Variants in LMTK2 observed in about 807,000 individuals in gnomAD.
The protein encoded by LMTK2 is lemur tail kinase 2.
A neutral mutation model predicts 127.5 loss-of-function variants in LMTK2; 37 were observed. The observed-to-expected ratio is 0.29, with a 90% CI of 0.22 to 0.38. The LOEUF (loss-of-function observed/expected upper bound fraction) is 0.38, where lower values mean the gene tolerates loss of function less well. LMTK2 is among the 10% of genes least tolerant of loss of function. The pLI, the probability that LMTK2 is intolerant of heterozygous loss-of-function variation, is 1.00. For missense variants in LMTK2, 1,694 were observed against 1,920.3 expected, an observed-to-expected ratio of 0.88 and a Z score of 2.20; for synonymous variants, 819 against 810.1, an observed-to-expected ratio of 1.01 and a Z score of -0.19.
chr7:98,127,916 G>A (rs1366042191), intron 1 of LMTK2, among the ~76,000 whole-genome samples: 1 of 152,222 alleles, frequency 6.6e-6, no homozygotes, highest in Admixed American at 6.5e-5. Context: ...GCCAAGGTGG[G>A]TGGATCACCT....
In LMTK2 at chr7:98,193,762, A is replaced by T. The variant is rs767474720; in HGVS notation, c.3297A>T (p.Ser1099=). ...PETFTAGSQG[S]YRDSAYFSDN... ...CGTTCACAGCTGGCTCCCAGGGTTC[A>T]TACCGAGACTCTGCGTACTTCTCAG... Residue 1099 remains serine, a synonymous_variant, in exon 11 of 14, where the codon TCA becomes TCT. Transcript: ENST00000297293. The surrounding 1 kb of genome is among the most constrained non-coding windows in gnomAD (Gnocchi z 4.1). The T allele has an allele frequency of 1.9e-6, 3 of 1,614,002 alleles. No homozygotes were observed. The highest frequency in any genetic ancestry group is 3.3e-5 in the Admixed American group (2 of 60,018).
intron 5 of LMTK2, among the ~76,000 whole-genome samples, chr7:98,158,733 A>T (rs1311079339): frequency 6.6e-6 from 1 of 152,144 alleles, no homozygotes; most frequent in African/African-American, 2.4e-5. Context: ...TGTGTAGATA[A>T]TGACACCATT....
intron 6 of LMTK2, among the ~76,000 whole-genome samples, chr7:98,167,198 GT>G (rs2116413942): frequency 6.6e-6 from 1 of 152,314 alleles, no homozygotes; most frequent in African/African-American, 2.4e-5. Context: ...CTGCCTAAGT[GT>G]TTTTTCTTTT....
chr7:98,192,671 T>C lies in LMTK2; in HGVS notation c.2206T>C (p.Leu736=). The C allele has an allele frequency of 6.2e-7, 1 of 1,610,998 alleles. No individual in the cohort carries two copies. Among genetic ancestry groups the C allele is most frequent in the Admixed American group, 1.7e-5 (1 of 59,468 alleles). ...AGAGAAAAACTTACTAAAAGGCTCA[T>C]TGTCCAGCAAAGAACACATAAATGA... ...LQEKNLLKGS[L]SSKEHINDLQ... The change falls in exon 11 of 14, where the codon TTG becomes CTG. Residue 736 remains leucine (L), a synonymous_variant. Transcript: ENST00000297293.
At chr7:98,165,247 G>C (rs1797077107) in intron 6 of LMTK2, among the ~76,000 whole-genome samples, 1 of 152,180 alleles carries the variant, frequency 6.6e-6, no homozygotes, top group Non-Finnish European at 1.5e-5. Flanking sequence ...CCCAGTGCTG[G>C]GCATTTGATG....
Position 98,194,256 on chromosome 7 carries a change from A to G in LMTK2, c.3791A>G (p.Lys1264Arg). The G allele has an allele frequency of 1.2e-6, 2 of 1,614,182 alleles. No homozygotes were observed. The highest frequency in any genetic ancestry group is 1.7e-6 in the Non-Finnish European group (2 of 1,180,040). The change falls in exon 11 of 14, where the codon AAG (lysine) becomes AGG (arginine). Residue 1264 changes from lysine (K) to arginine (R), a missense_variant. Lys to Arg is a conservative substitution (Grantham distance 26, BLOSUM62 2). Transcript: ENST00000297293. This position sits in a 1 kb window ranked among gnomAD's most constrained non-coding sequence, Gnocchi z 5.4. ...PKLKEPDIEG[K>R]YLGKLGVSGM... ...TTGAAGGAGCCGGACATCGAAGGGA[A>G]GTACCTGGGGAAACTCGGGGTGTCA... is the stretch of plus-strand genomic sequence containing the variant.
chr7:98,193,690 C>T lies in LMTK2; in HGVS notation c.3225C>T (p.Ile1075=), dbSNP rs1422830084. 9 of 1,613,902 alleles carry T rather than the reference C, an allele frequency of 5.6e-6. No individual in the cohort carries two copies. Among genetic ancestry groups the T allele is most frequent in the Non-Finnish European group, 7.6e-6 (9 of 1,180,008 alleles). ...TGCCTCCCAACCCGGTCATTGTCAT[C>T]TCAGATGCCGGCGATGGTCACAGAG... ...SGLPPNPVIV[I]SDAGDGHRGT... is the part of the protein sequence containing the mutation. The change falls in exon 11 of 14, where the codon ATC becomes ATT. Residue 1075 remains isoleucine, a synonymous_variant. Transcript: ENST00000297293. The surrounding 1 kb of genome is among the most constrained non-coding windows in gnomAD (Gnocchi z 4.1).
intron 7 of LMTK2, among the ~76,000 whole-genome samples, chr7:98,173,761 A>G (rs1447108915): frequency 6.6e-6 from 1 of 152,246 alleles, no homozygotes; most frequent in East Asian, 1.9e-4. Flanking sequence ...ACTCAAGTTA[A>G]AGAAAATCCT....
chr7:98,153,271 A>T (rs1351665337), intron 4 of LMTK2, among the ~76,000 whole-genome samples: 1 of 152,134 alleles, frequency 6.6e-6, no homozygotes, highest in Non-Finnish European at 1.5e-5. Context: ...TTCAAAGTGG[A>T]AACCAGGGGG....
rs902555006 is a variant in LMTK2, at chr7:98,148,784, G to A, written c.377-2598G>A. 5.3e-5 allele frequency among the ~76,000 whole-genome samples: 8 copies of A among 152,204 alleles called. 1 individual carries two copies. Among genetic ancestry groups the A allele is most frequent in the African/African-American group, 1.9e-4 (8 of 41,456 alleles). Reference sequence around the variant, plus strand: ...CACTCCTTCAACACCTAGCCAGGCCGTTTATAACCCTGACTTAGCCTTCAC... The same window carrying A: ...CACTCCTTCAACACCTAGCCAGGCCATTTATAACCCTGACTTAGCCTTCAC... On this transcript the variant is annotated intron_variant, in intron 3 of 13. Transcript: ENST00000297293.
chr7:98,186,879 G>A lies in LMTK2; in HGVS notation c.879G>A (p.Glu293=). The change falls in exon 9 of 14, where the codon GAG becomes GAA. Residue 293 remains glutamate, a splice_region_variant and synonymous_variant. Transcript: ENST00000297293. Reference sequence around the variant, plus strand: ...CTGTGTGCTTTCTAACAAAACAGGAGGATTATATTGAAACAGATGATAAAA... The same window carrying A: ...CTGTGTGCTTTCTAACAAAACAGGAAGATTATATTGAAACAGATGATAAAA... ...DYGIGFSRYK[E]DYIETDDKKV... is the part of the protein sequence containing the mutation. 6.2e-7 allele frequency: 1 copy of A among 1,611,630 alleles called. No individual in the cohort carries two copies. Among genetic ancestry groups the A allele is most frequent in the Non-Finnish European group, 8.5e-7 (1 of 1,178,570 alleles).
chr7:98,203,921 G>A, intron 12 of LMTK2, 23 bp from the exon 13 acceptor site: 2 of 1,611,616 alleles, frequency 1.2e-6, no homozygotes, highest in Non-Finnish European at 1.7e-6. Flanking sequence ...TAAAAAGGGT[G>A]GGGTTTTATT....
In LMTK2 at chr7:98,193,438, G is replaced by C. The variant is rs768007046; in HGVS notation, c.2973G>C (p.Glu991Asp). The change falls in exon 11 of 14, where the codon GAG becomes GAC. Residue 991 changes from glutamate to aspartate, a missense_variant. Around this residue, in one of 8 missense-constraint regions of LMTK2, gnomAD observed 527 missense variants for 539.8 expected, o/e 0.98. Transcript: ENST00000297293. The surrounding 1 kb of genome is among the most constrained non-coding windows in gnomAD (Gnocchi z 4.1). The stretch of plus-strand genomic sequence containing the variant: ...TGTCAGCACCCTTCCCAGCCTCTGA[G>C]CCGTCCCTGGAAACCCCGGACTCTC... ...DSLSAPFPAS[E>D]PSLETPDSLE... is the part of the protein sequence containing the mutation. 6.2e-7 allele frequency: 1 copy of C among 1,614,128 alleles called. No homozygotes were observed.
At chr7:98,176,705 G>A (rs1301816204) in intron 7 of LMTK2, among the ~76,000 whole-genome samples, 1 of 152,144 alleles carries the variant, frequency 6.6e-6, no homozygotes, top group East Asian at 1.9e-4. Flanking sequence ...AAATTAGCCA[G>A]GCGTGGTGGC....
intron 7 of LMTK2, among the ~76,000 whole-genome samples, chr7:98,184,054 G>A (rs567686247): frequency 6.6e-6 from 1 of 152,284 alleles, no homozygotes; most frequent in South Asian, 2.1e-4. Context: ...GAAAGTTTTA[G>A]AGCAGGAGTG....
chr7:98,184,731 A>AG (rs1288125693), intron 7 of LMTK2, among the ~76,000 whole-genome samples: 2 of 152,178 alleles, frequency 1.3e-5, no homozygotes, highest in Non-Finnish European at 2.9e-5. Context: ...AAATTGAATG[A>AG]GAAAAAAAAA....
At chr7:98,127,112 T>C (rs1048865663) in intron 1 of LMTK2, among the ~76,000 whole-genome samples, 2 of 152,238 alleles carry the variant, frequency 1.3e-5, no homozygotes, top group South Asian at 2.1e-4. Flanking sequence ...GAAAACACTT[T>C]GTGACTTAAA....
intron 11 of LMTK2, among the ~76,000 whole-genome samples, chr7:98,198,304 C>T (rs1215298369): frequency 6.6e-6 from 1 of 151,998 alleles, no homozygotes; most frequent in African/African-American, 2.4e-5. Context: ...AATTCTCCTG[C>T]CTCCACCTCC....
chr7:98,138,237 G>A (rs184266769), intron 2 of LMTK2, among the ~76,000 whole-genome samples: 3 of 152,280 alleles, frequency 2.0e-5, no homozygotes, highest in East Asian at 1.9e-4. Context: ...TGTTGACCGC[G>A]CAGGGCTGGC....
Sources: allele counts gnomAD v4.1 joint callset (sites outside exome capture counted in the v4.1 genomes callset), GRCh38; gene constraint gnomAD v4.1.1; regional missense constraint gnomAD v4.1.1; non-coding constraint Gnocchi (gnomAD v3.1); transcripts MANE v1.5; gene names NCBI Gene and HGNC (gene_info 2026-07-23, HGNC 2026-07-21).